OR9Q1: variants seen among roughly 807,000 people sequenced by gnomAD.
The protein encoded by OR9Q1 is olfactory receptor 9Q1.
For missense variants in OR9Q1, 374 were observed against 378.8 expected (o/e 0.99, Z 0.11); for synonymous variants, 153 against 148.6 (o/e 1.03, Z -0.22).
chr11:58,119,440 GC>G, intron 2 of OR9Q1: 1 of 1,592,986 alleles, frequency 6.3e-7, no homozygotes, highest in African/African-American at 1.3e-5. Flanking sequence ...ATTATTCTTG[GC>G]CATGGAGACA....
intron 2 of OR9Q1, among the ~76,000 whole-genome samples, chr11:58,142,324 G>A (rs1298286637): frequency 6.6e-6 from 1 of 152,090 alleles, no homozygotes; most frequent in Admixed American, 6.6e-5. Flanking sequence ...CTGCTACATA[G>A]TAAGTTCTCA....
chr11:58,147,617 T>C (rs1054929204), intron 2 of OR9Q1, among the ~76,000 whole-genome samples: 7 of 152,202 alleles, frequency 4.6e-5, no homozygotes, highest in Non-Finnish European at 1.0e-4. Context: ...ACATCCCCAG[T>C]ATTTTATGTT....
rs1213712844 is a variant in OR9Q1, at chr11:58,073,521, A to G, written c.-15+17574A>G. 2.0e-5 allele frequency: 3 copies of G among 153,060 alleles called. No homozygotes were observed. In the East Asian group the frequency reaches 5.8e-4, roughly 29 times the overall value. 9.5% of individuals were successfully genotyped at this position (153,060 alleles called of 1,614,324 possible). On this transcript the variant is annotated intron_variant, in intron 2 of 2. Coordinates refer to ENST00000335397, the MANE Select transcript of OR9Q1 (RefSeq NM_001005212.4). ...TAGCACACACTGTACGTTTCGTTACATTTCTTGCAATACCTTCAGAAAGAA... is the reference window on the plus strand; with the variant it reads ...TAGCACACACTGTACGTTTCGTTACGTTTCTTGCAATACCTTCAGAAAGAA...
intron 2 of OR9Q1, among the ~76,000 whole-genome samples, chr11:58,101,509 G>A (rs1853783105): frequency 6.6e-6 from 1 of 152,132 alleles, no homozygotes; most frequent in Non-Finnish European, 1.5e-5. Flanking sequence ...ACTGATTTGA[G>A]TTCCGTGTAG....
chr11:58,028,199 C>T (rs12225263), intron 1 of OR9Q1, among the ~76,000 whole-genome samples: 4 of 152,098 alleles, frequency 2.6e-5, no homozygotes, highest in Non-Finnish European at 4.4e-5. Context: ...TTGGGGGTAC[C>T]TGCTTTGTAC....
At chr11:58,054,688 C>T (rs1437774490) in intron 1 of OR9Q1, among the ~76,000 whole-genome samples, 1 of 144,658 alleles carries the variant, frequency 6.9e-6, no homozygotes, top group East Asian at 2.1e-4. Context: ...GATCCCAGGC[C>T]GAGGTGGGCG....
chr11:58,103,254 A>G (rs1853807197), intron 2 of OR9Q1, among the ~76,000 whole-genome samples: 1 of 152,078 alleles, frequency 6.6e-6, no homozygotes, highest in Non-Finnish European at 1.5e-5. Flanking sequence ...TTATAAAACT[A>G]TCTGATCTCA....
intron 2 of OR9Q1, among the ~76,000 whole-genome samples, chr11:58,172,312 T>A (rs2514210): frequency 0.22 from 34,086 of 152,042 alleles, 4,568 homozygotes; most frequent in African/African-American, 0.37. Flanking sequence ...CATTAAAATC[T>A]AGACAGAAAG....
chr11:58,139,732 T>C (rs905999458), intron 2 of OR9Q1, among the ~76,000 whole-genome samples: 39 of 151,804 alleles, frequency 2.6e-4, no homozygotes, highest in Admixed American at 1.8e-3. Context: ...TGAATAGTGC[T>C]GCAATAAACA....
chr11:58,112,292 C>CAAAAA, intron 2 of OR9Q1, among the ~76,000 whole-genome samples: 1 of 111,794 alleles, frequency 8.9e-6, no homozygotes, highest in African/African-American at 2.9e-5. Context: ...GACTTCGTCT[C>CAAAAA]AAAGAAAAAA....
chr11:58,067,545 A>G (rs146151277), intron 2 of OR9Q1, among the ~76,000 whole-genome samples: 15 of 152,306 alleles, frequency 9.8e-5, no homozygotes, highest in African/African-American at 3.6e-4. Flanking sequence ...AGACAAACAC[A>G]GTCAAGGTTC....
In OR9Q1 at chr11:58,179,012, A is replaced by AAGAGAG. The variant is rs71061582; in HGVS notation, c.-14-399_-14-394dup. Among the ~76,000 whole-genome samples, 359 of 132,468 alleles carry AAGAGAG rather than the reference A, an allele frequency of 2.7e-3. 5 individuals carry two copies. The highest frequency in any genetic ancestry group is 4.8e-3 in the South Asian group (19 of 3,924). The allele number at this position is 132,468 out of a possible 152,430, so 86.9% of individuals were successfully genotyped here. ...ATAGAGAGAGAGAGAGAAAGAAAGA[A>AAGAGAG]AGAGAGAGAGAGAGAGAGAGAGAGA... On this transcript the variant is annotated intron_variant, in intron 2 of 2. Transcript: ENST00000335397.
intron 2 of OR9Q1, among the ~76,000 whole-genome samples, chr11:58,058,163 C>T (rs542324500): frequency 6.6e-6 from 1 of 152,194 alleles, no homozygotes; most frequent in Non-Finnish European, 1.5e-5. Context: ...CATTGGCATA[C>T]GTGCCTCCCA....
At position 58,057,723 on chromosome 11, in the gene OR9Q1, C is replaced by T. The variant is rs575640701; in HGVS notation, c.-15+1776C>T. 8 of 152,308 alleles carry T rather than the reference C, an allele frequency of 5.3e-5. No individual in the cohort carries two copies. The South Asian group carries it at 1.7e-3, about 32-fold the overall frequency. 9.4% of individuals were successfully genotyped at this position (152,308 alleles called of 1,614,324 possible). A position where few individuals can be genotyped will look rare whatever the true frequency, so the allele number is the denominator to read the frequency against. The stretch of plus-strand genomic sequence containing the variant: ...GCTGTGTTCTCTTCCAGCTCTGCCT[C>T]CCCTTTTTGGTGATCTCCCTGCTTC... On this transcript the variant is annotated intron_variant, in intron 2 of 2. Coordinates refer to ENST00000335397, the MANE Select transcript of OR9Q1 (RefSeq NM_001005212.4).
intron 2 of OR9Q1, among the ~76,000 whole-genome samples, chr11:58,135,135 G>C (rs1854177893): frequency 6.6e-6 from 1 of 152,176 alleles, no homozygotes; most frequent in Non-Finnish European, 1.5e-5. Context: ...AATTGACCCT[G>C]CTGTGATAGA....
intron 1 of OR9Q1, among the ~76,000 whole-genome samples, chr11:58,050,310 TG>T (rs1853261645): frequency 6.9e-6 from 1 of 144,572 alleles, no homozygotes; most frequent in Admixed American, 7.1e-5. Context: ...TACAACTATC[TG>T]ATCTTTGACA....
Position 58,048,318 on chromosome 11 carries a change from T to C in OR9Q1, c.-92-7552T>C, listed in dbSNP as rs1853240062. On this transcript the variant is annotated intron_variant, in intron 1 of 2. Transcript: ENST00000335397. ...ATTACCCTGATTTGATCATTACATA[T>C]TGTATACATGTACTGAAATATCACA... 2.0e-5 allele frequency among the ~76,000 whole-genome samples: 3 copies of C among 152,104 alleles called. 1 individual carries two copies. The highest frequency in any genetic ancestry group is 4.4e-5 in the Non-Finnish European group (3 of 68,026).
At position 58,180,049 on chromosome 11, in the gene OR9Q1, T is replaced by G; in HGVS notation, c.605T>G (p.Phe202Cys). The G allele has an allele frequency of 6.2e-7, 1 of 1,614,204 alleles. No homozygotes were observed. Among genetic ancestry groups the G allele is most frequent in the South Asian group, 1.1e-5 (1 of 91,078 alleles). ...ACTCAAGAAGTGCTGATTATTATGTTTGCCATTTTTGTCATCCCTGCTTCC... is the reference window on the plus strand; with the variant it reads ...ACTCAAGAAGTGCTGATTATTATGTGTGCCATTTTTGTCATCCCTGCTTCC... ...SYTQEVLIIM[F>C]AIFVIPASMV... is the part of the protein sequence containing the mutation. The change falls in exon 3 of 3, where the codon TTT (phenylalanine) becomes TGT (cysteine). Residue 202 changes from phenylalanine to cysteine, a missense_variant. Coordinates refer to ENST00000335397, the MANE Select transcript of OR9Q1 (RefSeq NM_001005212.4).
intron 2 of OR9Q1, chr11:58,119,415 G>A (rs771379003): frequency 7.2e-5 from 116 of 1,611,490 alleles, no homozygotes; most frequent in South Asian, 9.9e-5. Context: ...GAATGAATTC[G>A]GTTACTCTGG....
Sources: allele counts gnomAD v4.1 joint callset (sites outside exome capture counted in the v4.1 genomes callset), GRCh38; gene constraint gnomAD v4.1.1; transcripts MANE v1.5; gene names NCBI Gene and HGNC (gene_info 2026-07-23, HGNC 2026-07-21).